Variants in MOB1A observed in about 807,000 individuals in gnomAD.
The protein encoded by MOB1A is MOB1 Mps One Binder homolog A.
In MOB1A, 10 loss-of-function variants were observed where a neutral mutation model predicts 25.1. That is an observed-to-expected ratio of 0.40 (90% CI 0.25 to 0.68). The LOEUF (loss-of-function observed/expected upper bound fraction) is 0.68. MOB1A is among the 30% of genes least tolerant of loss of function. MOB1A has a pLI of 0.40. For synonymous variants in MOB1A, 81 were observed against 79.5 expected, an observed-to-expected ratio of 1.02 and a Z score of -0.10; for missense variants, 177 against 256.3, an observed-to-expected ratio of 0.69 and a Z score of 2.11.
chr2:74,175,028 T>G (rs1405700068), intron 1 of MOB1A, among the ~76,000 whole-genome samples: 2 of 152,206 alleles, frequency 1.3e-5, no homozygotes, highest in African/African-American at 4.8e-5. Context: ...AGATGAGCAG[T>G]GAGCAAGCAG....
At chr2:74,175,659 C>T (rs1478898478) in intron 1 of MOB1A, among the ~76,000 whole-genome samples, 1 of 152,038 alleles carries the variant, frequency 6.6e-6, no homozygotes, top group African/African-American at 2.4e-5. Flanking sequence ...AGAAGCAATC[C>T]TCAAGTTTAT....
At position 74,178,665 on chromosome 2, in the gene MOB1A, G is replaced by A. The variant is rs1469354327; in HGVS notation, c.10C>T (p.Leu4Phe). ...CCGCGGCCCGACCCCACTCACAAGA[G>A]GAAGCTCATCTTCGGTCCTCAGAGG... is the stretch of plus-strand genomic sequence containing the variant. The part of the protein sequence containing the change: MSF[L>F]FSSRSSKTFK... Residue 4 changes from leucine (L) to phenylalanine (F), a missense_variant, in exon 1 of 6, where the codon CTC becomes TTC. Leu to Phe is a conservative substitution (Grantham distance 22). Coordinates refer to ENST00000396049, the MANE Select transcript of MOB1A (RefSeq NM_018221.5). 2.9e-6 allele frequency: 4 copies of A among 1,368,860 alleles called. No homozygotes were observed. The highest frequency in any genetic ancestry group is 5.9e-5 in the East Asian group (2 of 33,904). The allele number at this position is 1,368,860 out of a possible 1,614,324, so 84.8% of individuals were successfully genotyped here. A position where few individuals can be genotyped will look rare whatever the true frequency, so the allele number is the denominator to read the frequency against.
intron 2 of MOB1A, among the ~76,000 whole-genome samples, chr2:74,169,638 GT>G (rs1438807040): frequency 6.6e-6 from 1 of 151,532 alleles, no homozygotes; most frequent in Non-Finnish European, 1.5e-5. Flanking sequence ...ATTTTACCTT[GT>G]TTTTCCCCCG....
rs1692784203 is a variant in MOB1A at position 74,155,628 on chromosome 2, GGAAAT to G, written c.*935_*939del. 6.6e-6 allele frequency: 1 copy of G among 152,316 alleles called. No homozygotes were observed. Among genetic ancestry groups the G allele is most frequent in the South Asian group, 2.1e-4 (1 of 4,826 alleles). The allele number at this position is 152,316 out of a possible 1,614,324, so 9.4% of individuals were successfully genotyped here. On this transcript the variant is annotated 3_prime_UTR_variant, in exon 6 of 6. Transcript: ENST00000396049. The stretch of plus-strand genomic sequence containing the variant: ...ACATAGAAGTAATTTTTTAATAAAA[GGAAAT>G]AAAATAATCAAGTACTCTGAGTATT...
At chr2:74,160,037 G>A (rs557800749) in intron 4 of MOB1A, among the ~76,000 whole-genome samples, 7 of 152,152 alleles carry the variant, frequency 4.6e-5, no homozygotes, top group African/African-American at 1.2e-4. Flanking sequence ...GCCTGGTCTC[G>A]AATTCCTGGC....
intron 4 of MOB1A, chr2:74,164,934 G>C (rs1225756293): frequency 5.4e-6 from 1 of 184,144 alleles, no homozygotes; most frequent in Middle Eastern, 2.1e-3. Flanking sequence ...AAACAGGGCT[G>C]GGGGGAGTAC....
intron 2 of MOB1A, among the ~76,000 whole-genome samples, chr2:74,168,913 C>A (rs941894977): frequency 1.3e-5 from 2 of 152,168 alleles, no homozygotes; most frequent in African/African-American, 2.4e-5. Context: ...GTCCAGGAAT[C>A]CCCTATCTGA....
chr2:74,176,275 CAAAAA>C (rs1201428854), intron 1 of MOB1A, among the ~76,000 whole-genome samples: 1 of 29,618 alleles, frequency 3.4e-5, no homozygotes. Context: ...GACCCTGTCT[CAAAAA>C]AAAAAAAAAA....
intron 1 of MOB1A, among the ~76,000 whole-genome samples, 172 bp downstream of exon 1, chr2:74,178,489 C>T (rs973349408): frequency 1.3e-4 from 20 of 152,282 alleles, no homozygotes; most frequent in African/African-American, 4.6e-4. Context: ...TCATCTCTGT[C>T]GGCCTCTCCC....
intron 5 of MOB1A, among the ~76,000 whole-genome samples, chr2:74,158,596 A>C (rs1375620782): frequency 6.6e-6 from 1 of 152,088 alleles, no homozygotes; most frequent in Non-Finnish European, 1.5e-5. Context: ...CCTGGCCAAC[A>C]TGGGAAACCC....
intron 1 of MOB1A, among the ~76,000 whole-genome samples, chr2:74,176,763 C>CAAAAAAA (rs754041457): frequency 2.2e-5 from 2 of 88,910 alleles, no homozygotes; most frequent in African/African-American, 8.0e-5. Context: ...GACTCTGTCT[C>CAAAAAAA]AAAAAAAAAA....
At chr2:74,165,163 A>G (rs2103712859) in intron 4 of MOB1A, 55 bp downstream of exon 4, 1 of 1,351,474 alleles carries the variant, frequency 7.4e-7, no homozygotes, top group Non-Finnish European at 9.9e-7. Flanking sequence ...CTCTATTTAT[A>G]TTAATAAAAT....
chr2:74,170,249 C>G (rs191555232), intron 2 of MOB1A, among the ~76,000 whole-genome samples: 1 of 152,060 alleles, frequency 6.6e-6, no homozygotes, highest in Non-Finnish European at 1.5e-5. Flanking sequence ...AGTGATTCTC[C>G]TGCCTCAGCC....
Position 74,172,630 on chromosome 2 carries a change from A to G in MOB1A, c.137T>C (p.Met46Thr), listed in dbSNP as rs760795980. ...LGSGNLRQAV[M>T]LPEGEDLNEW... ...ATTGAGATCCTCTCCCTCAGGCAAC[A>G]TAACAGCTTGTCTCAGATTCCCACT... The change falls in exon 2 of 6, where the codon ATG (methionine) becomes ACG (threonine). Residue 46 changes from methionine (M) to threonine (T), a missense_variant. Met to Thr is a moderately conservative substitution (Grantham distance 81). Transcript: ENST00000396049. 11 of 1,613,830 alleles carry G rather than the reference A, an allele frequency of 6.8e-6. No homozygotes were observed. Among genetic ancestry groups the G allele is most frequent in the East Asian group, 2.2e-5 (1 of 44,882 alleles).
At chr2:74,176,124 A>ACACACACACACACACACACAC (rs1558840667) in intron 1 of MOB1A, among the ~76,000 whole-genome samples, 1 of 136,986 alleles carries the variant, frequency 7.3e-6, no homozygotes, top group African/African-American at 2.7e-5. Flanking sequence ...ACACACACAC[A>ACACACACACACACACACACAC]AACTAGCCGG....
At position 74,153,872 on chromosome 2, in the gene MOB1A, T is replaced by C. The variant is rs35241844; in HGVS notation, c.*2696A>G. ...AAGTGAGAAGAGTCAAAAAGATTGA[T>C]TTCTATAGGCCGGGCACGGTGGCTC... On this transcript the variant is annotated 3_prime_UTR_variant, in exon 6 of 6. Coordinates refer to ENST00000396049, the MANE Select transcript of MOB1A (RefSeq NM_018221.5). The C allele has an allele frequency of 0.025, 3,771 of 152,118 alleles. 56 individuals are homozygous for C. The highest frequency in any genetic ancestry group is 0.036 in the Non-Finnish European group (2,422 of 68,022). 9.4% of individuals were successfully genotyped at this position (152,118 alleles called of 1,614,324 possible). A position where few individuals can be genotyped will look rare whatever the true frequency, so the allele number is the denominator to read the frequency against.
At chr2:74,157,757 A>T (rs1456647470) in intron 5 of MOB1A, among the ~76,000 whole-genome samples, 1 of 152,188 alleles carries the variant, frequency 6.6e-6, no homozygotes, top group African/African-American at 2.4e-5. Context: ...AGTAGGATAA[A>T]GGGAGTTTGT....
In MOB1A at chr2:74,170,285, G is replaced by A. The variant is rs140992480; in HGVS notation, c.181+2301C>T. On this transcript the variant is annotated intron_variant, in intron 2 of 5. Transcript: ENST00000396049. ...TCCAAGTAGCTGGGACTACAGGTGC[G>A]TGCCACCACACCTAGCTAAATTTTT... Among the ~76,000 whole-genome samples the A allele has an allele frequency of 4.8e-3, 727 of 151,820 alleles. 8 individuals are homozygous for A. Among genetic ancestry groups the A allele is most frequent in the African/African-American group, 0.017 (700 of 41,434 alleles).
rs558443939 is a variant in MOB1A, at chr2:74,154,620, A to G, written c.*1948T>C. The G allele has an allele frequency of 1.3e-5, 2 of 152,356 alleles. No individual in the cohort carries two copies. Among genetic ancestry groups the G allele is most frequent in the South Asian group, 4.1e-4 (2 of 4,828 alleles). 9.4% of individuals were successfully genotyped at this position (152,356 alleles called of 1,614,324 possible). Reference sequence around the variant, plus strand: ...TGAGAATATTTGAAATACTAGAAATAATGAGGAAAGTACAAGCCTAGCTGA... The same window carrying G: ...TGAGAATATTTGAAATACTAGAAATGATGAGGAAAGTACAAGCCTAGCTGA... On this transcript the variant is annotated 3_prime_UTR_variant, in exon 6 of 6. Coordinates refer to ENST00000396049, the MANE Select transcript of MOB1A (RefSeq NM_018221.5).
Sources: allele counts gnomAD v4.1 joint callset (sites outside exome capture counted in the v4.1 genomes callset), GRCh38; gene constraint gnomAD v4.1.1; transcripts MANE v1.5; gene names NCBI Gene and HGNC (gene_info 2026-07-23, HGNC 2026-07-21).